Variants in POTEC observed in about 807,000 individuals in gnomAD.
POTEC encodes ANKRD26-like family B member 2.
POTEC carries 35 observed loss-of-function variants against 62.0 expected under a neutral mutation model. The ratio of observed to expected loss-of-function variants is 0.56; its 90% CI spans 0.43 to 0.75. The LOEUF (loss-of-function observed/expected upper bound fraction) is 0.75, where lower values mean the gene tolerates loss of function less well. Among genes scored for constraint, POTEC ranks in the 30% least tolerant of loss-of-function variants. The pLI is 0.00. For missense variants in POTEC, 472 were observed against 655.9 expected, an observed-to-expected ratio of 0.72 and a Z score of 3.06; for synonymous variants, 156 against 221.5, an observed-to-expected ratio of 0.70 and a Z score of 2.62.
intron 3 of POTEC, among the ~76,000 whole-genome samples, chr18:14,537,214 A>AC (rs1905764742): frequency 1.4e-5 from 1 of 73,112 alleles, no homozygotes; most frequent in Non-Finnish European, 2.8e-5. Context: ...CACACACAAA[A>AC]AAAAAAAAAA....
intron 1 of POTEC, among the ~76,000 whole-genome samples, chr18:14,540,921 C>A (rs2143171867): frequency 6.6e-6 from 1 of 151,864 alleles, no homozygotes; most frequent in Admixed American, 6.6e-5. Context: ...GATGGAGTCT[C>A]ACTCCATCAC....
intron 9 of POTEC, among the ~76,000 whole-genome samples, chr18:14,519,927 T>C (rs1910264597): frequency 6.6e-6 from 1 of 152,048 alleles, no homozygotes; most frequent in African/African-American, 2.4e-5. Flanking sequence ...TTGCCTCAAA[T>C]ATTGCTGACA....
At chr18:14,533,674 GT>G (rs1282455067) in intron 4 of POTEC, among the ~76,000 whole-genome samples, 1 of 152,182 alleles carries the variant, frequency 6.6e-6, no homozygotes, top group Non-Finnish European at 1.5e-5. Flanking sequence ...CAATAAGCAT[GT>G]GCTACACACT....
Position 14,508,837 on chromosome 18 carries a change from C to CT in POTEC, c.*3060dup, listed in dbSNP as rs925621923. 6.6e-6 allele frequency: 1 copy of CT among 152,330 alleles called. No individual in the cohort carries two copies. The highest frequency in any genetic ancestry group is 1.5e-5 in the Non-Finnish European group (1 of 68,054). 9.4% of individuals were successfully genotyped at this position (152,330 alleles called of 1,614,324 possible). A position where few individuals can be genotyped will look rare whatever the true frequency, so the allele number is the denominator to read the frequency against. On this transcript the variant is annotated 3_prime_UTR_variant, in exon 11 of 11. Coordinates refer to ENST00000358970, the MANE Select transcript of POTEC (RefSeq NM_001137671.2). ...AGTTTTCAGTGTTCTTGCACAGAGT[C>CT]TTTTTCTCATCTTTATGGGCTTATC...
intron 5 of POTEC, chr18:14,531,927 T>C (rs1037401852): frequency 6.6e-6 from 1 of 151,608 alleles, no homozygotes; most frequent in Non-Finnish European, 1.5e-5. Context: ...TGAAAATATT[T>C]TAAAATCTTG....
chr18:14,515,514 T>A lies in POTEC; in HGVS notation c.1410-1729A>T, dbSNP rs142274654. Among the ~76,000 whole-genome samples the A allele has an allele frequency of 2.8e-3, 425 of 152,142 alleles. 1 individual carries two copies. Among genetic ancestry groups the A allele is most frequent in the Middle Eastern group, 0.017 (5 of 294 alleles). On this transcript the variant is annotated intron_variant, in intron 9 of 10. Coordinates refer to ENST00000358970, the MANE Select transcript of POTEC (RefSeq NM_001137671.2). ...TCACATATAGAAGAATAAAATTGGA[T>A]CTCTACCTCTCACCATGTAAAAAAA...
At chr18:14,537,756 C>T (rs6650610) in intron 3 of POTEC, 45 bp downstream of exon 3, 27 of 1,603,270 alleles carry the variant, frequency 1.7e-5, no homozygotes, top group African/African-American at 6.7e-5. Flanking sequence ...AATGTTAACA[C>T]GAATGCATTT....
At chr18:14,518,376 AG>A (rs1910219903) in intron 9 of POTEC, among the ~76,000 whole-genome samples, 1 of 151,412 alleles carries the variant, frequency 6.6e-6, no homozygotes. Context: ...GGATGGTCAG[AG>A]AAGTCCCTGC....
chr18:14,514,699 C>T (rs978433570), intron 9 of POTEC, among the ~76,000 whole-genome samples: 11 of 123,304 alleles, frequency 8.9e-5, no homozygotes, highest in African/African-American at 3.7e-4. Flanking sequence ...ACTGGGAAGC[C>T]CTAAGGCAGA....
Position 14,542,679 on chromosome 18 carries a change from A to G in POTEC, c.468T>C (p.Asp156=). 1 of 1,612,860 alleles carries G rather than the reference A, an allele frequency of 6.2e-7. No individual in the cohort carries two copies. Among genetic ancestry groups the G allele is most frequent in the Non-Finnish European group, 8.5e-7 (1 of 1,179,916 alleles). The change falls in exon 1 of 11, where the codon GAT becomes GAC. Residue 156 remains aspartate (D), a synonymous_variant. Transcript: ENST00000358970. The part of the protein sequence containing the change: ...AAWWGKVPRK[D]LIVMLRDTDM... ...CCGTGTCCCTGAGCATGACGATGAG[A>G]TCCTTTCTGGGGACCTTACCCCACC...
intron 9 of POTEC, among the ~76,000 whole-genome samples, chr18:14,517,718 C>T (rs567646334): frequency 3.4e-4 from 51 of 152,224 alleles, no homozygotes; most frequent in Non-Finnish European, 6.6e-4. Flanking sequence ...AAATATTAGC[C>T]GGGCATGGTG....
rs540736574 is a variant in POTEC, at chr18:14,537,699, G to A, written c.810+102C>T. 1.1e-5 allele frequency: 14 copies of A among 1,277,774 alleles called. No individual in the cohort carries two copies. The African/African-American group carries it at 1.2e-4, about 11-fold the overall frequency. The allele number at this position is 1,277,774 out of a possible 1,614,324, so 79.2% of individuals were successfully genotyped here. Reference sequence around the variant, plus strand: ...GTCATTTCAAAATATTTTCATTCAGGTTATGCTTGAGCTTCCAAATACGGA... The same window carrying A: ...GTCATTTCAAAATATTTTCATTCAGATTATGCTTGAGCTTCCAAATACGGA... On this transcript the variant is annotated intron_variant, in intron 3 of 10. Coordinates refer to ENST00000358970, the MANE Select transcript of POTEC (RefSeq NM_001137671.2).
chr18:14,524,464 G>C (rs1910387240), intron 7 of POTEC, among the ~76,000 whole-genome samples: 1 of 152,050 alleles, frequency 6.6e-6, no homozygotes, highest in Non-Finnish European at 1.5e-5. Context: ...GTGTTACATT[G>C]TTCATAGTTC....
At chr18:14,529,089 C>T in intron 6 of POTEC, 2 of 443,884 alleles carry the variant, frequency 4.5e-6, no homozygotes, top group South Asian at 3.2e-5. Context: ...TTGAATCATA[C>T]CTACTTTTTT....
rs550149729 is a variant in POTEC at position 14,543,569 on chromosome 18, G to C, written c.-423C>G. The C allele has an allele frequency of 1.7e-4, 52 of 302,512 alleles. No individual in the cohort carries two copies. The highest frequency in any genetic ancestry group is 1.1e-3 in the African/African-American group (48 of 43,406). 18.7% of individuals were successfully genotyped at this position (302,512 alleles called of 1,614,324 possible). A position where few individuals can be genotyped will look rare whatever the true frequency, so the allele number is the denominator to read the frequency against. Reference sequence around the variant, plus strand: ...GGCCAAGCGAGGAACGCAAAGCGAAGCGTACCCGTTACAGGTAAGCCAAGC... The same window carrying C: ...GGCCAAGCGAGGAACGCAAAGCGAACCGTACCCGTTACAGGTAAGCCAAGC... On this transcript the variant is annotated 5_prime_UTR_variant, in exon 1 of 11. Coordinates refer to ENST00000358970, the MANE Select transcript of POTEC (RefSeq NM_001137671.2).
chr18:14,542,639 C>G lies in POTEC; in HGVS notation c.508G>C (p.Asp170His), dbSNP rs545661889. 1.2e-6 allele frequency: 2 copies of G among 1,612,554 alleles called. No individual in the cohort carries two copies. The highest frequency in any genetic ancestry group is 2.2e-5 in the South Asian group (2 of 90,972). Residue 170 changes from aspartate (D) to histidine (H), a missense_variant, in exon 1 of 11, where the codon GAC becomes CAC. By Grantham distance (81) the Asp-to-His change is moderately conservative. This residue lies in a region of POTEC where 257 missense variants were observed against 250.7 expected (regional missense o/e 1.03). Coordinates refer to ENST00000358970, the MANE Select transcript of POTEC (RefSeq NM_001137671.2). ...MLRDTDMNKR[D>H]KQKRTALHLA... ...AGGCCCAGTTACCTCTTTTGCTTGT[C>G]CCTCTTGTTCATGTCCGTGTCCCTG...
intron 6 of POTEC, among the ~76,000 whole-genome samples, chr18:14,527,403 T>G (rs972896640): frequency 6.6e-6 from 1 of 152,146 alleles, no homozygotes; most frequent in African/African-American, 2.4e-5. Context: ...AACTATGACA[T>G]GAAGTCAAGC....
At chr18:14,524,109 G>A (rs1168468623) in intron 7 of POTEC, among the ~76,000 whole-genome samples, 2 of 152,102 alleles carry the variant, frequency 1.3e-5, no homozygotes, top group Admixed American at 6.6e-5. Flanking sequence ...TAGATGATCT[G>A]CTTAAGTCCA....
Position 14,528,122 on chromosome 18 carries a change from G to C in POTEC, c.1126+2361C>G, listed in dbSNP as rs546489946. On this transcript the variant is annotated intron_variant, in intron 6 of 10. Transcript: ENST00000358970. ...GACAACAGCCTGGTTAAGTAGATAT[G>C]ACAGAGACCACATAGTCTAAAATAT... 121 of 152,268 alleles carry C rather than the reference G, an allele frequency of 7.9e-4. 1 individual carries two copies. The highest frequency in any genetic ancestry group is 2.8e-3 in the African/African-American group (117 of 41,558). 9.4% of individuals were successfully genotyped at this position (152,268 alleles called of 1,614,324 possible).
Sources: allele counts gnomAD v4.1 joint callset (sites outside exome capture counted in the v4.1 genomes callset), GRCh38; gene constraint gnomAD v4.1.1; regional missense constraint gnomAD v4.1.1; transcripts MANE v1.5; gene names NCBI Gene and HGNC (gene_info 2026-07-23, HGNC 2026-07-21).